SLC38A1: variants seen among roughly 807,000 people sequenced by gnomAD.
SLC38A1 encodes the protein solute carrier family 38 member 1.
In SLC38A1, 18 loss-of-function variants were observed where a neutral mutation model predicts 60.3. That is an observed-to-expected ratio of 0.30 (90% CI 0.21 to 0.44). SLC38A1 has a LOEUF of 0.44. SLC38A1 is among the 20% of genes least tolerant of loss of function. The probability of loss-of-function intolerance (pLI) is 1.00; values close to 1 mark genes in which losing one functional copy is unlikely to be tolerated. For missense variants in SLC38A1, 448 were observed against 587.2 expected, an observed-to-expected ratio of 0.76 and a Z score of 2.45; for synonymous variants, 196 against 212.1, an observed-to-expected ratio of 0.92 and a Z score of 0.66.
intron 5 of SLC38A1, among the ~76,000 whole-genome samples, chr12:46,223,452 TCACA>T (rs146387838): frequency 2.0e-3 from 296 of 146,162 alleles, no homozygotes; most frequent in Non-Finnish European, 3.4e-3. Flanking sequence ...TCTCTCACAT[TCACA>T]CACACACACA....
intron 1 of SLC38A1, among the ~76,000 whole-genome samples, chr12:46,259,584 G>C (rs781419816): frequency 6.6e-6 from 1 of 152,080 alleles, no homozygotes; most frequent in Admixed American, 6.5e-5. Context: ...AATTAAAGCC[G>C]ATCATCAAAA....
At chr12:46,240,475 C>G (rs968583537) in intron 2 of SLC38A1, among the ~76,000 whole-genome samples, 1 of 152,128 alleles carries the variant, frequency 6.6e-6, no homozygotes, top group Non-Finnish European at 1.5e-5. Flanking sequence ...AAATTACAGG[C>G]GTGAGCCACC....
intron 1 of SLC38A1, among the ~76,000 whole-genome samples, chr12:46,259,362 G>C (rs1424250364): frequency 6.6e-6 from 1 of 152,140 alleles, no homozygotes; most frequent in East Asian, 1.9e-4. Context: ...GGCTAAACAG[G>C]TTAACTAAAT....
intron 1 of SLC38A1, among the ~76,000 whole-genome samples, chr12:46,250,231 A>C (rs549805580): frequency 9.2e-5 from 14 of 152,234 alleles, no homozygotes; most frequent in Non-Finnish European, 1.8e-4. Flanking sequence ...AACCAACCAC[A>C]AAAACCACAT....
chr12:46,256,339 A>T lies in SLC38A1; in HGVS notation c.-209+12187T>A, dbSNP rs527714174. 6.4e-4 allele frequency among the ~76,000 whole-genome samples: 98 copies of T among 152,234 alleles called. 1 individual carries two copies. Among genetic ancestry groups the T allele is most frequent in the African/African-American group, 2.3e-3 (94 of 41,522 alleles). On this transcript the variant is annotated intron_variant, in intron 1 of 16. Coordinates refer to ENST00000398637, the MANE Select transcript of SLC38A1 (RefSeq NM_030674.4). ...AGTCACATGAACTAAAAGGCATTAC[A>T]CTTTTTACTTATGTGACAAAATATT...
Position 46,186,034 on chromosome 12 carries a change from T to C in SLC38A1, c.*2936A>G, listed in dbSNP as rs1408924074. 1 of 152,222 alleles carries C rather than the reference T, an allele frequency of 6.6e-6. No individual in the cohort carries two copies. Among genetic ancestry groups the C allele is most frequent in the East Asian group, 1.9e-4 (1 of 5,200 alleles). 9.4% of individuals were successfully genotyped at this position (152,222 alleles called of 1,614,324 possible). A position where few individuals can be genotyped will look rare whatever the true frequency, so the allele number is the denominator to read the frequency against. On this transcript the variant is annotated 3_prime_UTR_variant, in exon 17 of 17. Coordinates refer to ENST00000398637, the MANE Select transcript of SLC38A1 (RefSeq NM_030674.4). ...TTAGCAAACCTATTACATTATTCGATGTCAGCTAACCTATTGGTTTGATCA... is the reference window on the plus strand; with the variant it reads ...TTAGCAAACCTATTACATTATTCGACGTCAGCTAACCTATTGGTTTGATCA...
chr12:46,262,945 C>A (rs1280671467), intron 1 of SLC38A1, among the ~76,000 whole-genome samples: 1 of 152,138 alleles, frequency 6.6e-6, no homozygotes, highest in Non-Finnish European at 1.5e-5. Context: ...AAGACCTCTC[C>A]CAGTTCTCTG....
intron 5 of SLC38A1, among the ~76,000 whole-genome samples, chr12:46,223,239 G>A (rs1468943782): frequency 6.6e-6 from 1 of 152,076 alleles, no homozygotes; most frequent in Non-Finnish European, 1.5e-5. Flanking sequence ...TTAAGCCTCA[G>A]TTACTTTATC....
intron 1 of SLC38A1, among the ~76,000 whole-genome samples, chr12:46,260,223 C>T (rs1202804763): frequency 6.6e-6 from 1 of 152,190 alleles, no homozygotes; most frequent in African/African-American, 2.4e-5. Flanking sequence ...CCAGATCCCT[C>T]CTCCTCCCAA....
intron 1 of SLC38A1, among the ~76,000 whole-genome samples, chr12:46,254,437 A>G (rs984832219): frequency 6.6e-6 from 1 of 152,266 alleles, no homozygotes. Flanking sequence ...GATTTTTTGT[A>G]TAAAGTGCAG....
Position 46,268,233 on chromosome 12 carries a change from C to CCACAGGAAAACACACCAAAGT in SLC38A1, c.-209+272_-209+292dup, listed in dbSNP as rs1273205512. On this transcript the variant is annotated intron_variant, in intron 1 of 16. Coordinates refer to ENST00000398637, the MANE Select transcript of SLC38A1 (RefSeq NM_030674.4). The surrounding 1 kb of genome is among the most constrained non-coding windows in gnomAD (Gnocchi z 4.4). The stretch of plus-strand genomic sequence containing the variant: ...GATCTGGTACCACACTCTGCCACAG[C>CCACAGGAAAACACACCAAAGT]CACAGGAAAACACACCAAAGTCACA... Among the ~76,000 whole-genome samples the CCACAGGAAAACACACCAAAGT allele has an allele frequency of 1.3e-5, 2 of 152,214 alleles. No homozygotes were observed. Among genetic ancestry groups the CCACAGGAAAACACACCAAAGT allele is most frequent in the Non-Finnish European group, 2.9e-5 (2 of 68,042 alleles).
chr12:46,220,035 A>G (rs1940594929), intron 5 of SLC38A1, among the ~76,000 whole-genome samples: 1 of 152,246 alleles, frequency 6.6e-6, no homozygotes, highest in Non-Finnish European at 1.5e-5. Context: ...TGCATCACAG[A>G]CGACTCATAA....
chr12:46,257,662 T>C (rs1942074789), intron 1 of SLC38A1, among the ~76,000 whole-genome samples: 1 of 152,036 alleles, frequency 6.6e-6, no homozygotes, highest in Non-Finnish European at 1.5e-5. Flanking sequence ...ACTAGTTGCT[T>C]CTGCGGTGGC....
At chr12:46,229,869 G>T (rs1355298265) in intron 3 of SLC38A1, among the ~76,000 whole-genome samples, 2 of 152,138 alleles carry the variant, frequency 1.3e-5, no homozygotes, top group African/African-American at 4.8e-5. Context: ...CCAAGGGCAG[G>T]CACTTTGCCT....
At chr12:46,238,634 TC>T (rs2138230797) in intron 3 of SLC38A1, among the ~76,000 whole-genome samples, 1 of 152,288 alleles carries the variant, frequency 6.6e-6, no homozygotes, top group East Asian at 1.9e-4. Context: ...ACCTAGACAA[TC>T]AGTGGGTCTA....
chr12:46,230,381 G>A (rs1436481147), intron 3 of SLC38A1, among the ~76,000 whole-genome samples: 1 of 152,206 alleles, frequency 6.6e-6, no homozygotes, highest in Non-Finnish European at 1.5e-5. Context: ...CCAAGGCTTT[G>A]AGAAAGCAAG....
At chr12:46,223,741 G>A (rs1940754664) in intron 5 of SLC38A1, among the ~76,000 whole-genome samples, 1 of 152,144 alleles carries the variant, frequency 6.6e-6, no homozygotes, top group Non-Finnish European at 1.5e-5. Context: ...CAAACTCAGT[G>A]TTAATAATAA....
chr12:46,197,288 G>C (rs1451727031), intron 16 of SLC38A1: 1 of 165,100 alleles, frequency 6.1e-6, no homozygotes, highest in Non-Finnish European at 1.3e-5. Flanking sequence ...AGGAGATACA[G>C]ACCATCCTGG....
At chr12:46,214,632 C>G (rs1940322058) in intron 5 of SLC38A1, among the ~76,000 whole-genome samples, 1 of 152,150 alleles carries the variant, frequency 6.6e-6, no homozygotes, top group South Asian at 2.1e-4. Context: ...AAACCTCACC[C>G]TTTAAATTGG....
Sources: gnomAD v4.1 joint callset for allele counts (sites outside exome capture counted in the v4.1 genomes callset) on GRCh38, gnomAD v4.1.1 for gene constraint, Gnocchi (gnomAD v3.1) non-coding constraint, MANE v1.5 for transcripts, NCBI Gene and HGNC (gene_info 2026-07-23, HGNC 2026-07-21) for gene names.